RFTN2: variants seen among roughly 807,000 people sequenced by gnomAD.
RFTN2 encodes raftlin family member 2, also known as raftlin-2.
Under a neutral mutation model 52.7 loss-of-function variants are expected in RFTN2, and 34 were observed. That is an observed-to-expected ratio of 0.64 (90% CI 0.49 to 0.86). RFTN2 has a LOEUF of 0.86. Ranked by LOEUF, RFTN2 falls within the 40% of genes least tolerant of loss-of-function variation. The pLI is 0.00. For synonymous variants in RFTN2, 203 were observed against 217.7 expected (o/e 0.93, Z 0.59); for missense variants, 536 against 600.1 (o/e 0.89, Z 1.12).
At position 197,633,894 on chromosome 2, in the gene RFTN2, T is replaced by G. The variant is rs541215067; in HGVS notation, c.542A>C (p.Glu181Ala). ...ACCGTGTCTCACATGTAGCATCGAT[T>G]CTATATCTCCATCATGGTTGGTTCC... ...CNGTNHDGDI[E>A]SMLHVRHGSD... Residue 181 changes from glutamate to alanine, a missense_variant, in exon 4 of 9, where the codon GAA becomes GCA. Physicochemically the swap from Glu to Ala is moderately radical, Grantham distance 107 (BLOSUM62 -1). Transcript: ENST00000295049. 1.9e-6 allele frequency: 3 copies of G among 1,613,946 alleles called. No individual in the cohort carries two copies. In the Admixed American group the frequency reaches 5.0e-5, roughly 27 times the overall value.
chr2:197,569,380 T>G lies in RFTN2; in HGVS notation c.*2628A>C, dbSNP rs2087280922. 6.6e-6 allele frequency: 1 copy of G among 152,224 alleles called. No homozygotes were observed. The highest frequency in any genetic ancestry group is 1.5e-5 in the Non-Finnish European group (1 of 68,042). 9.4% of individuals were successfully genotyped at this position (152,224 alleles called of 1,614,324 possible). A position where few individuals can be genotyped will look rare whatever the true frequency, so the allele number is the denominator to read the frequency against. ...TAGAGAGCCCAAGTTTTTTTCTTTT[T>G]TTAAAATAATAGGCTCATAGCTATT... On this transcript the variant is annotated 3_prime_UTR_variant, in exon 9 of 9. Coordinates refer to ENST00000295049, the MANE Select transcript of RFTN2 (RefSeq NM_144629.3).
At chr2:197,615,041 A>G (rs1251853033) in intron 7 of RFTN2, among the ~76,000 whole-genome samples, 2 of 152,200 alleles carry the variant, frequency 1.3e-5, no homozygotes, top group African/African-American at 4.8e-5. Context: ...GTGGCTTTTC[A>G]GATAAAGCCA....
chr2:197,664,926 C>T lies in RFTN2; in HGVS notation c.139+10394G>A, dbSNP rs568766714. ...TGTCTGTTAGGTTCATGTGGTCTAA[C>T]GTCCGGTTTAAATCCAGTCTTTCAT... is the stretch of plus-strand genomic sequence containing the variant. On this transcript the variant is annotated intron_variant, in intron 1 of 8. Coordinates refer to ENST00000295049, the MANE Select transcript of RFTN2 (RefSeq NM_144629.3). 3.3e-4 allele frequency among the ~76,000 whole-genome samples: 51 copies of T among 152,262 alleles called. 1 individual carries two copies. Among genetic ancestry groups the T allele is most frequent in the African/African-American group, 1.1e-3 (45 of 41,544 alleles).
chr2:197,625,582 C>A (rs1465297416), intron 5 of RFTN2, among the ~76,000 whole-genome samples: 1 of 151,928 alleles, frequency 6.6e-6, no homozygotes. Context: ...AGCACTGCAA[C>A]AGCCTCTTAA....
intron 7 of RFTN2, among the ~76,000 whole-genome samples, chr2:197,598,522 T>C (rs950228424): frequency 5.3e-5 from 8 of 152,010 alleles, no homozygotes; most frequent in Admixed American, 4.6e-4. Flanking sequence ...CAGGAACGCA[T>C]TGGGGTAGGG....
At chr2:197,580,985 G>A (rs368301660) in intron 8 of RFTN2, among the ~76,000 whole-genome samples, 19 of 151,830 alleles carry the variant, frequency 1.3e-4, no homozygotes, top group African/African-American at 4.1e-4. Flanking sequence ...TCTTCCTCTC[G>A]CATCCCCCCA....
intron 7 of RFTN2, among the ~76,000 whole-genome samples, chr2:197,599,030 C>T: frequency 6.6e-6 from 1 of 151,936 alleles, no homozygotes. Flanking sequence ...CGGCTCACTG[C>T]AAGCTCCGCC....
chr2:197,571,944 T>C lies in RFTN2; in HGVS notation c.*64A>G. On this transcript the variant is annotated 3_prime_UTR_variant, in exon 9 of 9. Transcript: ENST00000295049. ...CATAAATGCAGAGAAAGTAATACAATAAGGTCAGTTGGCAATGATTTTAAC... is the reference window on the plus strand; with the variant it reads ...CATAAATGCAGAGAAAGTAATACAACAAGGTCAGTTGGCAATGATTTTAAC... 1 of 1,503,152 alleles carries C rather than the reference T, an allele frequency of 6.7e-7. No homozygotes were observed. Among genetic ancestry groups the C allele is most frequent in the South Asian group, 1.2e-5 (1 of 85,768 alleles). The allele number at this position is 1,503,152 out of a possible 1,614,324, so 93.1% of individuals were successfully genotyped here.
intron 7 of RFTN2, among the ~76,000 whole-genome samples, chr2:197,600,830 T>C (rs1262397757): frequency 6.6e-6 from 1 of 152,236 alleles, no homozygotes; most frequent in Non-Finnish European, 1.5e-5. Context: ...TTTTAGACTT[T>C]AATGGACAGT....
At chr2:197,664,074 G>C (rs1434566226) in intron 1 of RFTN2, among the ~76,000 whole-genome samples, 1 of 151,996 alleles carries the variant, frequency 6.6e-6, no homozygotes, top group Non-Finnish European at 1.5e-5. Flanking sequence ...GGAGTATGCT[G>C]TTTAATTTTT....
At chr2:197,605,424 C>G (rs1188631800) in intron 7 of RFTN2, among the ~76,000 whole-genome samples, 1 of 152,026 alleles carries the variant, frequency 6.6e-6, no homozygotes, top group Non-Finnish European at 1.5e-5. Flanking sequence ...ACTGTGTTAG[C>G]CAGGATGATC....
At chr2:197,619,134 T>TG (rs556904859) in intron 5 of RFTN2, among the ~76,000 whole-genome samples, 170 of 140,360 alleles carry the variant, frequency 1.2e-3, no homozygotes, top group Middle Eastern at 3.7e-3. Context: ...GGGAGGGAGG[T>TG]GGGGGGGGTC....
intron 7 of RFTN2, among the ~76,000 whole-genome samples, 182 bp from the exon 8 acceptor site, chr2:197,596,251 C>T (rs540590291): frequency 2.0e-5 from 3 of 151,944 alleles, no homozygotes; most frequent in African/African-American, 7.2e-5. Context: ...CTATAAAAAC[C>T]ACATCTGGAA....
chr2:197,591,616 T>C (rs116611249), intron 8 of RFTN2, among the ~76,000 whole-genome samples: 8,953 of 152,120 alleles, frequency 0.059, 367 homozygotes, highest in Middle Eastern at 0.11. Context: ...GCAGCACTCA[T>C]TGGGGAGGCT....
intron 5 of RFTN2, among the ~76,000 whole-genome samples, chr2:197,618,638 G>A (rs2088193334): frequency 6.6e-6 from 1 of 151,878 alleles, no homozygotes; most frequent in Non-Finnish European, 1.5e-5. Flanking sequence ...TCTAGGAAGT[G>A]AGGAGCGCCT....
chr2:197,634,246 T>A (rs2088519246), intron 3 of RFTN2, among the ~76,000 whole-genome samples: 3 of 152,136 alleles, frequency 2.0e-5, no homozygotes. Context: ...AGGAATTATT[T>A]TTCCCTGAAG....
At chr2:197,648,296 G>A (rs1262218682) in intron 1 of RFTN2, among the ~76,000 whole-genome samples, 1 of 152,144 alleles carries the variant, frequency 6.6e-6, no homozygotes, top group East Asian at 1.9e-4. Context: ...TATAAACCAG[G>A]AAGGGTCCAC....
chr2:197,611,204 TAC>T (rs752957764), intron 7 of RFTN2, among the ~76,000 whole-genome samples: 7 of 152,228 alleles, frequency 4.6e-5, no homozygotes, highest in Non-Finnish European at 1.0e-4. Context: ...CTCCTCTTTG[TAC>T]CTCTGGTAGA....
intron 3 of RFTN2, among the ~76,000 whole-genome samples, chr2:197,643,535 GTTTC>G (rs1307918990): frequency 1.5e-4 from 23 of 152,162 alleles, no homozygotes; most frequent in Non-Finnish European, 2.6e-4. Context: ...AATTATTGAC[GTTTC>G]TTTCTTTTAT....
Sources: gnomAD v4.1 joint callset for allele counts (sites outside exome capture counted in the v4.1 genomes callset) on GRCh38, gnomAD v4.1.1 for gene constraint, MANE v1.5 for transcripts, NCBI Gene and HGNC (gene_info 2026-07-23, HGNC 2026-07-21) for gene names.